CMYA5: variants seen among roughly 807,000 people sequenced by gnomAD.
CMYA5 encodes cardiomyopathy associated 5, also known as cardiomyopathy-associated protein 5.
A neutral mutation model predicts 318.9 loss-of-function variants in CMYA5; 246 were observed. The ratio of observed to expected loss-of-function variants is 0.77; its 90% confidence interval spans 0.70 to 0.86. The LOEUF is 0.86. Among genes scored for constraint, CMYA5 ranks in the 40% least tolerant of loss-of-function variants. The pLI is 0.00. For synonymous variants in CMYA5, 1,641 were observed against 1,729.5 expected (o/e 0.95, Z 1.27); for missense variants, 4,589 against 4,678.2 (o/e 0.98, Z 0.56).
rs375319040 is a variant in CMYA5 at position 79,752,788 on chromosome 5, G to A, written c.11104G>A (p.Val3702Met). The A allele has an allele frequency of 2.5e-6, 4 of 1,610,644 alleles. No homozygotes were observed. Among genetic ancestry groups the A allele is most frequent in the Non-Finnish European group, 2.5e-6 (3 of 1,177,444 alleles). The part of the protein sequence containing the change: ...SARSDQMLKQ[V>M]AVPQPPRLEP... Reference sequence around the variant, plus strand: ...AAGAAGTGACCAGATGTTAAAACAAGTGGCTGGTAAGCATTTTAATATATT... The same window carrying A: ...AAGAAGTGACCAGATGTTAAAACAAATGGCTGGTAAGCATTTTAATATATT... Residue 3702 changes from valine (V) to methionine (M), a missense_variant, in exon 6 of 13, where the codon GTG (valine) becomes ATG (methionine). Around this residue, in one of 3 missense-constraint regions of CMYA5, gnomAD observed 2,431 missense variants for 2,495.1 expected, o/e 0.97. Coordinates refer to ENST00000446378, the MANE Select transcript of CMYA5 (RefSeq NM_153610.5).
chr5:79,762,884 A>C, intron 8 of CMYA5, 178 bp from the exon 9 acceptor site: 2 of 639,592 alleles, frequency 3.1e-6, no homozygotes, highest in Non-Finnish European at 2.6e-6. Context: ...AAGGCAGAGA[A>C]GGGAGAGAGA....
chr5:79,785,456 C>CT (rs1829066669), intron 9 of CMYA5, among the ~76,000 whole-genome samples: 2 of 152,050 alleles, frequency 1.3e-5, no homozygotes, highest in African/African-American at 2.4e-5. Context: ...TCACTCAAGT[C>CT]TTTTTTTGTT....
intron 1 of CMYA5, among the ~76,000 whole-genome samples, chr5:79,709,378 AGGGTACT>A (rs1352375510): frequency 6.6e-6 from 1 of 152,228 alleles, no homozygotes; most frequent in East Asian, 1.9e-4. Context: ...GTTCAACAAC[AGGGTACT>A]GGGTAAAGAA....
At chr5:79,759,737 C>G (rs1276627515) in intron 7 of CMYA5, among the ~76,000 whole-genome samples, 1 of 151,956 alleles carries the variant, frequency 6.6e-6, no homozygotes, top group Non-Finnish European at 1.5e-5. Context: ...ACTCAGGTGC[C>G]CAATTTGTAA....
At chr5:79,768,943 G>C (rs965190416) in intron 9 of CMYA5, among the ~76,000 whole-genome samples, 1 of 152,148 alleles carries the variant, frequency 6.6e-6, no homozygotes, top group African/African-American at 2.4e-5. Context: ...ATCAGACGTA[G>C]ATTTGGCCTT....
intron 9 of CMYA5, among the ~76,000 whole-genome samples, chr5:79,772,751 G>T (rs886441442): frequency 5.3e-5 from 8 of 152,200 alleles, no homozygotes; most frequent in Non-Finnish European, 1.0e-4. Context: ...AAGAGTTCAA[G>T]ACGGAAGGAA....
intron 1 of CMYA5, among the ~76,000 whole-genome samples, chr5:79,701,114 C>T (rs979611250): frequency 6.4e-5 from 8 of 125,188 alleles, no homozygotes; most frequent in East Asian, 5.5e-4. Context: ...AAAAATTAGC[C>T]GAGTGTGGTA....
At position 79,735,996 on chromosome 5, in the gene CMYA5, A is replaced by G. The variant is rs1301366030; in HGVS notation, c.7231A>G (p.Ile2411Val). The change falls in exon 2 of 13, where the codon ATT (isoleucine) becomes GTT (valine). Residue 2411 changes from isoleucine (I) to valine (V), a missense_variant. Ile to Val is a conservative substitution (Grantham distance 29). Around this residue, in one of 3 missense-constraint regions of CMYA5, gnomAD observed 2,431 missense variants for 2,495.1 expected, o/e 0.97. Coordinates refer to ENST00000446378, the MANE Select transcript of CMYA5 (RefSeq NM_153610.5). ...TKESEKPESI[I>V]LPVEESKGSL... ...GGAATCAGAGAAACCAGAGTCAATT[A>G]TTTTGCCAGTAGAAGAATCAAAAGG... 8 of 1,613,190 alleles carry G rather than the reference A, an allele frequency of 5.0e-6. No individual in the cohort carries two copies. The highest frequency in any genetic ancestry group is 6.8e-6 in the Non-Finnish European group (8 of 1,179,698).
In CMYA5 at chr5:79,735,907, T is replaced by A; in HGVS notation, c.7142T>A (p.Val2381Glu). The change falls in exon 2 of 13, where the codon GTA (valine) becomes GAA (glutamate). Residue 2381 changes from valine (V) to glutamate (E), a missense_variant. By Grantham distance (121) the Val-to-Glu change is moderately radical. Coordinates refer to ENST00000446378, the MANE Select transcript of CMYA5 (RefSeq NM_153610.5). ...AAATCACTCCTTTCATTTGATGTAG[T>A]AGATAAGGTGCCACAACAGCCAAAA... ...KQKSLLSFDV[V>E]DKVPQQPKSA... The A allele has an allele frequency of 6.3e-7, 1 of 1,599,350 alleles. No homozygotes were observed. The highest frequency in any genetic ancestry group is 8.5e-7 in the Non-Finnish European group (1 of 1,176,008).
At chr5:79,691,449 C>T (rs898739911) in intron 1 of CMYA5, among the ~76,000 whole-genome samples, 3 of 152,182 alleles carry the variant, frequency 2.0e-5, no homozygotes, top group Admixed American at 6.5e-5. Flanking sequence ...GGTTGCATTG[C>T]CATTTGACAA....
chr5:79,762,982 C>T (rs532626326), intron 8 of CMYA5, 80 bp from the exon 9 acceptor site: 159 of 1,450,602 alleles, frequency 1.1e-4, no homozygotes, highest in Non-Finnish European at 1.3e-4. Flanking sequence ...ATGCCGAAGC[C>T]GTGGAAGATC....
In CMYA5 at chr5:79,731,042, C is replaced by T. The variant is rs371977603; in HGVS notation, c.2277C>T (p.Thr759=). Residue 759 remains threonine (T), a synonymous_variant, in exon 2 of 13, where the codon ACC becomes ACT. Transcript: ENST00000446378. Reference sequence around the variant, plus strand: ...AGCCCTCTCTCTCACCATCCACAACCGAAAAGACTTCTGAATGCCAGTCAC... The same window carrying T: ...AGCCCTCTCTCTCACCATCCACAACTGAAAAGACTTCTGAATGCCAGTCAC... ...ASEPSLSPST[T]EKTSECQSPL... is the part of the protein sequence containing the mutation. The T allele has an allele frequency of 2.4e-5, 39 of 1,613,968 alleles. No homozygotes were observed. The highest frequency in any genetic ancestry group is 3.3e-4 in the Middle Eastern group (2 of 6,062).
intron 9 of CMYA5, among the ~76,000 whole-genome samples, chr5:79,768,604 G>A (rs1561225408): frequency 6.6e-6 from 1 of 152,168 alleles, no homozygotes; most frequent in Non-Finnish European, 1.5e-5. Flanking sequence ...TTTTCTTTAA[G>A]AATGTTGAAT....
At position 79,731,926 on chromosome 5, in the gene CMYA5, T is replaced by C. The variant is rs1250070139; in HGVS notation, c.3161T>C (p.Val1054Ala). ...ATTGGATCCACAGCTGCTACACCTG[T>C]ATCTGAGCAGTTCAGTTCATCACAG... ...EDIGSTAATP[V>A]SEQFSSSQKQ... The change falls in exon 2 of 13, where the codon GTA becomes GCA. Residue 1054 changes from valine to alanine, a missense_variant. Physicochemically the swap from Val to Ala is moderately conservative, Grantham distance 64 (BLOSUM62 0). Coordinates refer to ENST00000446378, the MANE Select transcript of CMYA5 (RefSeq NM_153610.5). 9 of 1,613,206 alleles carry C rather than the reference T, an allele frequency of 5.6e-6. No homozygotes were observed. Among genetic ancestry groups the C allele is most frequent in the South Asian group, 1.1e-5 (1 of 90,906 alleles).
Position 79,735,510 on chromosome 5 carries a change from C to T in CMYA5, c.6745C>T (p.Pro2249Ser), listed in dbSNP as rs1404730913. 1.2e-6 allele frequency: 2 copies of T among 1,613,280 alleles called. No homozygotes were observed. The highest frequency in any genetic ancestry group is 3.3e-5 in the Admixed American group (2 of 59,920). The change falls in exon 2 of 13, where the codon CCC (proline) becomes TCC (serine). Residue 2249 changes from proline (P) to serine (S), a missense_variant. By Grantham distance (74) the Pro-to-Ser change is moderately conservative. Around this residue, in one of 3 missense-constraint regions of CMYA5, gnomAD observed 2,431 missense variants for 2,495.1 expected, o/e 0.97. Coordinates refer to ENST00000446378, the MANE Select transcript of CMYA5 (RefSeq NM_153610.5). ...GGTAAAACTTAAAACTGCTGATGAACCCAGAGGTACTTTAGTAAAATCTGG... is the reference window on the plus strand; with the variant it reads ...GGTAAAACTTAAAACTGCTGATGAATCCAGAGGTACTTTAGTAAAATCTGG... ...SEVKLKTADE[P>S]RGTLVKSGDG...
At chr5:79,792,031 C>T (rs540468922) in intron 11 of CMYA5, among the ~76,000 whole-genome samples, 2 of 152,344 alleles carry the variant, frequency 1.3e-5, no homozygotes, top group African/African-American at 4.8e-5. Context: ...CCCAAGAAGG[C>T]ACTGAGCCAG....
intron 9 of CMYA5, among the ~76,000 whole-genome samples, chr5:79,764,251 G>A (rs1828708813): frequency 6.6e-6 from 1 of 151,962 alleles, no homozygotes; most frequent in African/African-American, 2.4e-5. Flanking sequence ...AACATGAGGT[G>A]TTTGGTTTTT....
At chr5:79,706,601 C>T (rs528695183) in intron 1 of CMYA5, among the ~76,000 whole-genome samples, 117 of 152,228 alleles carry the variant, frequency 7.7e-4, no homozygotes, top group Middle Eastern at 3.4e-3. Flanking sequence ...CTCATGCGTC[C>T]GTTTATAGGC....
chr5:79,725,803 C>T (rs913649989), intron 1 of CMYA5, among the ~76,000 whole-genome samples: 2 of 152,176 alleles, frequency 1.3e-5, no homozygotes, highest in African/African-American at 4.8e-5. Flanking sequence ...ACTTCCGAGG[C>T]TGAGGCAGGG....
Sources: gnomAD v4.1 joint callset for allele counts (sites outside exome capture counted in the v4.1 genomes callset) on GRCh38, gnomAD v4.1.1 for gene constraint, gnomAD v4.1.1 regional missense constraint, MANE v1.5 for transcripts, NCBI Gene and HGNC (gene_info 2026-07-23, HGNC 2026-07-21) for gene names.